Variants in SLC4A3 observed in about 807,000 individuals in gnomAD.
SLC4A3 encodes solute carrier family 4 member 3, also known as anion exchange protein 3.
In SLC4A3, 47 loss-of-function variants were observed where a neutral mutation model predicts 114.2. The observed-to-expected ratio is 0.41, with a 90% CI of 0.33 to 0.52. The LOEUF (loss-of-function observed/expected upper bound fraction) is 0.52. Ranked by LOEUF, SLC4A3 falls within the 20% of genes least tolerant of loss-of-function variation. The probability of loss-of-function intolerance (pLI) is 0.21; values close to 1 mark genes in which losing one functional copy is unlikely to be tolerated. For synonymous variants in SLC4A3, 693 were observed against 710.3 expected (o/e 0.98, Z 0.39); for missense variants, 1,312 against 1,668.3 (o/e 0.79, Z 3.72).
Position 219,627,973 on chromosome 2 carries a change from C to T in SLC4A3, c.-20C>T. The T allele has an allele frequency of 6.2e-7, 1 of 1,600,708 alleles. No homozygotes were observed. The highest frequency in any genetic ancestry group is 8.5e-7 in the Non-Finnish European group (1 of 1,174,432). On this transcript the variant is annotated 5_prime_UTR_variant, in exon 2 of 23. Coordinates refer to ENST00000358055, the MANE Select transcript of SLC4A3 (RefSeq NM_005070.4). Reference sequence around the variant, plus strand: ...CGGGTCCCCTAGTGAGCGAGAGCGTCCCCAGCCGCCTACCTGGCCATGGCC... The same window carrying T: ...CGGGTCCCCTAGTGAGCGAGAGCGTTCCCAGCCGCCTACCTGGCCATGGCC...
Position 219,633,460 on chromosome 2 carries a change from C to G in SLC4A3, c.1461+3C>G. 1 of 1,528,086 alleles carries G rather than the reference C, an allele frequency of 6.5e-7. No homozygotes were observed. The highest frequency in any genetic ancestry group is 1.3e-5 in the South Asian group (1 of 78,398). 94.7% of individuals were successfully genotyped at this position (1,528,086 alleles called of 1,614,324 possible). A position where few individuals can be genotyped will look rare whatever the true frequency, so the allele number is the denominator to read the frequency against. On this transcript the variant is annotated splice_donor_region_variant and intron_variant, in intron 10 of 22. Coordinates refer to ENST00000358055, the MANE Select transcript of SLC4A3 (RefSeq NM_005070.4). The stretch of plus-strand genomic sequence containing the variant: ...CACATGACCCTGACGCCAAGGAGGT[C>G]AGTGCCCTTGCTTTGGCTTGGGCCA...
In SLC4A3 at chr2:219,628,710, T is replaced by G; in HGVS notation, c.217+140T>G. 1.1e-6 allele frequency: 1 copy of G among 905,080 alleles called. No homozygotes were observed. The highest frequency in any genetic ancestry group is 1.7e-6 in the Non-Finnish European group (1 of 603,000). 56.1% of individuals were successfully genotyped at this position (905,080 alleles called of 1,614,324 possible). A position where few individuals can be genotyped will look rare whatever the true frequency, so the allele number is the denominator to read the frequency against. On this transcript the variant is annotated intron_variant, in intron 3 of 22. Transcript: ENST00000358055. This position sits in a 1 kb window ranked among gnomAD's most constrained non-coding sequence, Gnocchi z 4.8. ...GTGCTGGACTCTGTGCTGGGCCACA[T>G]GCCGTGTTCAGTCATCCTGCCTCCC... is the stretch of plus-strand genomic sequence containing the variant.
At chr2:219,632,152 C>T (rs1209726188) in intron 7 of SLC4A3, 36 bp downstream of exon 7, 1 of 1,608,564 alleles carries the variant, frequency 6.2e-7, no homozygotes, top group Non-Finnish European at 8.5e-7. Context: ...GTGGCTTCCT[C>T]ATGCCCCTCG....
chr2:219,639,750 C>T lies in SLC4A3; in HGVS notation c.3277+15C>T, dbSNP rs750226357. ...CAGCCTCGTGGGTGAGAGCCCGCCT[C>T]CACCCTGCACACCCCCTTCCTTGGG... On this transcript the variant is annotated intron_variant, in intron 20 of 22. Transcript: ENST00000358055. This position sits in a 1 kb window ranked among gnomAD's most constrained non-coding sequence, Gnocchi z 5.9. 3 of 1,599,808 alleles carry T rather than the reference C, an allele frequency of 1.9e-6. No individual in the cohort carries two copies. The South Asian group carries it at 3.3e-5, about 18-fold the overall frequency.
rs200623180 is a variant in SLC4A3, at chr2:219,640,626, G to A, written c.3447+27G>A. 3,787 of 1,608,220 alleles carry A rather than the reference G, an allele frequency of 2.4e-3. 7 individuals carry two copies. The highest frequency in any genetic ancestry group is 2.9e-3 in the Non-Finnish European group (3,424 of 1,175,912). On this transcript the variant is annotated intron_variant, in intron 21 of 22. Coordinates refer to ENST00000358055, the MANE Select transcript of SLC4A3 (RefSeq NM_005070.4). ...TAGGGCCGGGAAGCATGGGGGTAGG[G>A]CAGTGGGGTGACGGGAAGGGGATCC...
chr2:219,638,627 C>A lies in SLC4A3; in HGVS notation c.2857-76C>A. Reference sequence around the variant, plus strand: ...TCCCTGAAGTCCTGGACTGGGGACGCAGCTTAGTGGGCTGCTTGGTGGGCT... The same window carrying A: ...TCCCTGAAGTCCTGGACTGGGGACGAAGCTTAGTGGGCTGCTTGGTGGGCT... On this transcript the variant is annotated intron_variant, in intron 18 of 22. Transcript: ENST00000358055. This position sits in a 1 kb window ranked among gnomAD's most constrained non-coding sequence, Gnocchi z 7.5. 3 of 1,502,994 alleles carry A rather than the reference C, an allele frequency of 2.0e-6. No individual in the cohort carries two copies. In the South Asian group the frequency reaches 3.6e-5, roughly 18 times the overall value. The allele number at this position is 1,502,994 out of a possible 1,614,324, so 93.1% of individuals were successfully genotyped here. A position where few individuals can be genotyped will look rare whatever the true frequency, so the allele number is the denominator to read the frequency against.
Position 219,628,041 on chromosome 2 carries a change from C to A in SLC4A3, c.49C>A (p.Gln17Lys). 6.4e-7 allele frequency: 1 copy of A among 1,570,776 alleles called. No homozygotes were observed. The highest frequency in any genetic ancestry group is 1.2e-5 in the South Asian group (1 of 86,072). ...PPPGGASPLP[Q>K]VRVPLEEPPL... ...GCCCGGGGGCGCCTCCCCCCTACCCCAGGTGATCGGCGCGCGCGGGGGCGG... is the reference window on the plus strand; with the variant it reads ...GCCCGGGGGCGCCTCCCCCCTACCCAAGGTGATCGGCGCGCGCGGGGGCGG... The change falls in exon 2 of 23, where the codon CAG becomes AAG. Residue 17 changes from glutamine (Q) to lysine (K), a missense_variant and splice_region_variant. Physicochemically the swap from Gln to Lys is moderately conservative, Grantham distance 53 (BLOSUM62 1). Transcript: ENST00000358055. The surrounding 1 kb of genome is among the most constrained non-coding windows in gnomAD (Gnocchi z 4.8).
In SLC4A3 at chr2:219,629,487, G is replaced by C. The variant is rs139899070; in HGVS notation, c.495+66G>C. 16 of 1,599,096 alleles carry C rather than the reference G, an allele frequency of 1.0e-5. 1 individual carries two copies. The East Asian group carries it at 3.6e-4, about 36-fold the overall frequency. On this transcript the variant is annotated intron_variant, in intron 4 of 22. Coordinates refer to ENST00000358055, the MANE Select transcript of SLC4A3 (RefSeq NM_005070.4). ...GGGAGGGGTACAGAGAGGAGGAGAGGAGTGCGTGTTGGGGGCCTGTGTGAG... is the reference window on the plus strand; with the variant it reads ...GGGAGGGGTACAGAGAGGAGGAGAGCAGTGCGTGTTGGGGGCCTGTGTGAG...
At chr2:219,627,828 C>T (rs1698767252) in intron 1 of SLC4A3, 72 bp from the exon 2 acceptor site, 1 of 570,146 alleles carries the variant, frequency 1.8e-6, no homozygotes, top group African/African-American at 2.0e-5. Context: ...GGCGCTTGGG[C>T]CGGGAGCGTG....
Position 219,640,726 on chromosome 2 carries a change from G to A in SLC4A3, c.3448-63G>A, listed in dbSNP as rs573883510. 4,518 of 1,579,400 alleles carry A rather than the reference G, an allele frequency of 2.9e-3. 89 individuals are homozygous for A. Among genetic ancestry groups the A allele is most frequent in the Middle Eastern group, 9.4e-4 (5 of 5,312 alleles). On this transcript the variant is annotated intron_variant, in intron 21 of 22. Coordinates refer to ENST00000358055, the MANE Select transcript of SLC4A3 (RefSeq NM_005070.4). ...GTGACCTGGGAGCCAAATTCCCCAC[G>A]ATGTGGGTGGGTGGGAGCAGGCCGG...
intron 10 of SLC4A3, 76 bp downstream of exon 10, chr2:219,633,533 A>G: frequency 7.6e-7 from 1 of 1,307,838 alleles, no homozygotes; most frequent in Non-Finnish European, 1.0e-6. Flanking sequence ...CGACGACTTC[A>G]CTGAGTGGGT....
In SLC4A3 at chr2:219,638,619, TG is replaced by T; in HGVS notation, c.2857-80del. The T allele has an allele frequency of 7.0e-7, 1 of 1,430,776 alleles. No individual in the cohort carries two copies. Among genetic ancestry groups the T allele is most frequent in the Non-Finnish European group, 9.6e-7 (1 of 1,038,152 alleles). 88.6% of individuals were successfully genotyped at this position (1,430,776 alleles called of 1,614,324 possible). Reference sequence around the variant, plus strand: ...ACCCCAGCTCCCTGAAGTCCTGGACTGGGGACGCAGCTTAGTGGGCTGCTTG... The same window carrying T: ...ACCCCAGCTCCCTGAAGTCCTGGACTGGGACGCAGCTTAGTGGGCTGCTTG... On this transcript the variant is annotated intron_variant, in intron 18 of 22. Coordinates refer to ENST00000358055, the MANE Select transcript of SLC4A3 (RefSeq NM_005070.4). This position sits in a 1 kb window ranked among gnomAD's most constrained non-coding sequence, Gnocchi z 7.5.
chr2:219,631,594 C>A lies in SLC4A3; in HGVS notation c.812-374C>A. The stretch of plus-strand genomic sequence containing the variant: ...GGGACGTGGGTGTTGAGATAGGGTG[C>A]ACGGAAAATGTTGGGGGCTCAGTGC... On this transcript the variant is annotated intron_variant, in intron 6 of 22. Coordinates refer to ENST00000358055, the MANE Select transcript of SLC4A3 (RefSeq NM_005070.4). The surrounding 1 kb of genome is among the most constrained non-coding windows in gnomAD (Gnocchi z 6.3). The A allele has an allele frequency of 2.4e-6, 2 of 825,016 alleles. No homozygotes were observed. The highest frequency in any genetic ancestry group is 3.4e-6 in the Non-Finnish European group (2 of 595,156). The allele number at this position is 825,016 out of a possible 1,614,324, so 51.1% of individuals were successfully genotyped here.
At position 219,631,596 on chromosome 2, in the gene SLC4A3, C is replaced by A; in HGVS notation, c.812-372C>A. The A allele has an allele frequency of 1.2e-6, 1 of 812,674 alleles. No individual in the cohort carries two copies. Among genetic ancestry groups the A allele is most frequent in the Non-Finnish European group, 1.7e-6 (1 of 584,270 alleles). The allele number at this position is 812,674 out of a possible 1,614,324, so 50.3% of individuals were successfully genotyped here. On this transcript the variant is annotated intron_variant, in intron 6 of 22. Transcript: ENST00000358055. The surrounding 1 kb of genome is among the most constrained non-coding windows in gnomAD (Gnocchi z 6.3). ...GACGTGGGTGTTGAGATAGGGTGCA[C>A]GGAAAATGTTGGGGGCTCAGTGCCT...
chr2:219,631,579 T>A lies in SLC4A3; in HGVS notation c.812-389T>A. The A allele has an allele frequency of 1.1e-6, 1 of 922,062 alleles. No individual in the cohort carries two copies. The highest frequency in any genetic ancestry group is 1.5e-6 in the Non-Finnish European group (1 of 683,170). The allele number at this position is 922,062 out of a possible 1,614,324, so 57.1% of individuals were successfully genotyped here. A position where few individuals can be genotyped will look rare whatever the true frequency, so the allele number is the denominator to read the frequency against. On this transcript the variant is annotated intron_variant, in intron 6 of 22. Coordinates refer to ENST00000358055, the MANE Select transcript of SLC4A3 (RefSeq NM_005070.4). The surrounding 1 kb of genome is among the most constrained non-coding windows in gnomAD (Gnocchi z 6.3). ...TGTACCTTCGGGGAGGGGACGTGGG[T>A]GTTGAGATAGGGTGCACGGAAAATG...
Position 219,636,176 on chromosome 2 carries a change from G to A in SLC4A3, c.2192-126G>A, listed in dbSNP as rs974918389. 23 of 1,078,902 alleles carry A rather than the reference G, an allele frequency of 2.1e-5. No homozygotes were observed. The Admixed American group carries it at 4.2e-4, about 20-fold the overall frequency. The allele number at this position is 1,078,902 out of a possible 1,614,324, so 66.8% of individuals were successfully genotyped here. On this transcript the variant is annotated intron_variant, in intron 14 of 22. Coordinates refer to ENST00000358055, the MANE Select transcript of SLC4A3 (RefSeq NM_005070.4). This position sits in a 1 kb window ranked among gnomAD's most constrained non-coding sequence, Gnocchi z 5.5. The stretch of plus-strand genomic sequence containing the variant: ...TTTGGGAGCAATGGGGTATGGAAGG[G>A]GCCCTGTGTGTCACTCTAAGGGGCT...
intron 5 of SLC4A3, among the ~76,000 whole-genome samples, chr2:219,629,908 A>G (rs1201726993): frequency 6.7e-6 from 1 of 148,172 alleles, no homozygotes; most frequent in African/African-American, 2.5e-5. Context: ...AACAGAGAAG[A>G]GCAGAGTGAA....
chr2:219,639,960 C>T lies in SLC4A3; in HGVS notation c.3277+225C>T, dbSNP rs769478416. 4.5e-4 allele frequency among the ~76,000 whole-genome samples: 68 copies of T among 152,232 alleles called. No homozygotes were observed. Among genetic ancestry groups the T allele is most frequent in the Admixed American group, 3.3e-4 (5 of 15,294 alleles). The stretch of plus-strand genomic sequence containing the variant: ...TCTCTTTTTTTTTGAGACGGAGTCT[C>T]GCTCTGTCACCCAGGCTGGAGTGCA... On this transcript the variant is annotated intron_variant, in intron 20 of 22. Coordinates refer to ENST00000358055, the MANE Select transcript of SLC4A3 (RefSeq NM_005070.4). This position sits in a 1 kb window ranked among gnomAD's most constrained non-coding sequence, Gnocchi z 5.9.
In SLC4A3 at chr2:219,637,853, T is replaced by G. The variant is rs773917446; in HGVS notation, c.2766+42T>G. The G allele has an allele frequency of 1.3e-6, 2 of 1,488,144 alleles. No individual in the cohort carries two copies. The highest frequency in any genetic ancestry group is 1.1e-5 in the South Asian group (1 of 88,456). The allele number at this position is 1,488,144 out of a possible 1,614,324, so 92.2% of individuals were successfully genotyped here. ...TGTGGAGCCCCCAAGAGTCCCACAA[T>G]TCCTGCTGTAGGAGCTCCCCAGAGA... On this transcript the variant is annotated intron_variant, in intron 17 of 22. Transcript: ENST00000358055. This position sits in a 1 kb window ranked among gnomAD's most constrained non-coding sequence, Gnocchi z 4.6.
Sources: gnomAD v4.1 joint callset for allele counts (sites outside exome capture counted in the v4.1 genomes callset) on GRCh38, gnomAD v4.1.1 for gene constraint, Gnocchi (gnomAD v3.1) non-coding constraint, MANE v1.5 for transcripts, NCBI Gene and HGNC (gene_info 2026-07-23, HGNC 2026-07-21) for gene names.